Variants in PECAM1 observed in about 807,000 individuals in gnomAD.
The protein encoded by PECAM1 is platelet endothelial cell adhesion molecule.
In PECAM1, 8 loss-of-function variants were observed where a neutral mutation model predicts 13.8. The observed-to-expected ratio is 0.58, with a 90% confidence interval of 0.34 to 1.05. PECAM1 has a LOEUF of 1.05. PECAM1 is among the 50% of genes least tolerant of loss of function. The pLI, the probability that PECAM1 is intolerant of heterozygous loss-of-function variation, is 0.03. For missense variants in PECAM1, 304 were observed against 141.2 expected, an observed-to-expected ratio of 2.15 and a Z score of -5.84; for synonymous variants, 136 against 52.6, an observed-to-expected ratio of 2.58 and a Z score of -6.86.
At chr17:64,336,062 G>A (rs62071614) in intron 14 of PECAM1, among the ~76,000 whole-genome samples, 8,374 of 151,930 alleles carry the variant, frequency 0.055, 263 homozygotes, top group Middle Eastern at 0.088. Context: ...TCTGGAGTTC[G>A]AGATCAGCCT....
intron 2 of PECAM1, among the ~76,000 whole-genome samples, chr17:64,388,324 G>C (rs1462900834): frequency 1.3e-5 from 2 of 152,118 alleles, no homozygotes; most frequent in Non-Finnish European, 2.9e-5. Flanking sequence ...GAGGGCTGGA[G>C]TGGACAAAGG....
rs2143794045 is a variant in PECAM1, at chr17:64,356,138, G to A, written c.1753C>T (p.Pro585Ser). 1 of 475,058 alleles carries A rather than the reference G, an allele frequency of 2.1e-6. No individual in the cohort carries two copies. The highest frequency in any genetic ancestry group is 3.9e-6 in the Non-Finnish European group (1 of 259,144). 29.4% of individuals were successfully genotyped at this position (475,058 alleles called of 1,614,324 possible). A position where few individuals can be genotyped will look rare whatever the true frequency, so the allele number is the denominator to read the frequency against. ...CTGACTGTCAGTATTTTGCTTCTGGGGACACTGGAGGCGTGGTTGGCTCTG... is the reference window on the plus strand; with the variant it reads ...CTGACTGTCAGTATTTTGCTTCTGGAGACACTGGAGGCGTGGTTGGCTCTG... ...FNRANHASSV[P>S]RSKILTVRVI... Residue 585 changes from proline (P) to serine (S), a missense_variant, in exon 8 of 16, where the codon CCC becomes TCC. Physicochemically the swap from Pro to Ser is moderately conservative, Grantham distance 74 (BLOSUM62 -1). Transcript: ENST00000563924.
chr17:64,373,147 A>AT (rs1185925031), intron 4 of PECAM1, among the ~76,000 whole-genome samples: 80,110 of 138,714 alleles, frequency 0.58, 22,684 homozygotes, highest in South Asian at 0.68. Flanking sequence ...AAATAAATAA[A>AT]AAAAAAAGAA....
At chr17:64,346,447 C>T (rs1342797900) in intron 13 of PECAM1, among the ~76,000 whole-genome samples, 1 of 152,162 alleles carries the variant, frequency 6.6e-6, no homozygotes, top group Non-Finnish European at 1.5e-5. Context: ...AGCGATTCTT[C>T]TGCCTCAGCC....
In PECAM1 at chr17:64,362,555, G is replaced by C. The variant is rs937512908; in HGVS notation, c.1216+594C>G. ...TAGTCCCAGCTACTTGGGAGGCTGAGGCAGGAGAATGGCGTGAACCCAGGA... is the reference window on the plus strand; with the variant it reads ...TAGTCCCAGCTACTTGGGAGGCTGACGCAGGAGAATGGCGTGAACCCAGGA... On this transcript the variant is annotated intron_variant, in intron 6 of 15. Transcript: ENST00000563924. Among the ~76,000 whole-genome samples the C allele has an allele frequency of 5.4e-4, 82 of 152,282 alleles. 1 individual carries two copies. The highest frequency in any genetic ancestry group is 3.9e-3 in the Admixed American group (60 of 15,292).
In PECAM1 at chr17:64,360,582, CTGTGTGTGTGTGTG is replaced by C. The variant is rs10589772; in HGVS notation, c.1217-181_1217-168del. 3.0e-3 allele frequency among the ~76,000 whole-genome samples: 420 copies of C among 139,478 alleles called. 1 individual carries two copies. Among genetic ancestry groups the C allele is most frequent in the Non-Finnish European group, 4.7e-3 (303 of 64,412 alleles). 91.5% of individuals were successfully genotyped at this position (139,478 alleles called of 152,430 possible). ...ATAGGACACCTATGAGACTGACAGGCTGTGTGTGTGTGTGTGTGTGTGTGTGTGTGTGTGTGGTG... is the reference window on the plus strand; with the variant it reads ...ATAGGACACCTATGAGACTGACAGGCTGTGTGTGTGTGTGTGTGTGTGGTG... On this transcript the variant is annotated intron_variant, in intron 6 of 15. Transcript: ENST00000563924.
intron 2 of PECAM1, among the ~76,000 whole-genome samples, chr17:64,381,535 T>A (rs1383338185): frequency 8.5e-5 from 13 of 152,206 alleles, no homozygotes; most frequent in African/African-American, 1.4e-4. Context: ...TTTAACAAAG[T>A]TAGGCCTTTG....
At chr17:64,330,706 G>C (rs2035089841) in intron 14 of PECAM1, among the ~76,000 whole-genome samples, 1 of 149,462 alleles carries the variant, frequency 6.7e-6, no homozygotes, top group African/African-American at 2.4e-5. Context: ...GTAGGAAGTA[G>C]CAGATAAAAA....
At position 64,322,378 on chromosome 17, in the gene PECAM1, C is replaced by T. The variant is rs925589514; in HGVS notation, c.*1438G>A. ...TCCAGCCCGGGCAACAAGAGCGAAT[C>T]TCCGTCTCAAAACAACAAAACAAAA... is the stretch of plus-strand genomic sequence containing the variant. On this transcript the variant is annotated 3_prime_UTR_variant, in exon 16 of 16. Transcript: ENST00000563924. 3.1e-6 allele frequency: 3 copies of T among 980,346 alleles called. No individual in the cohort carries two copies. Among genetic ancestry groups the T allele is most frequent in the Non-Finnish European group, 3.6e-6 (3 of 824,838 alleles). The allele number at this position is 980,346 out of a possible 1,614,324, so 60.7% of individuals were successfully genotyped here.
intron 2 of PECAM1, among the ~76,000 whole-genome samples, chr17:64,383,211 C>A (rs2036521806): frequency 6.6e-6 from 1 of 152,132 alleles, no homozygotes. Context: ...TGCCCTAGAC[C>A]AGCAGACAGT....
intron 14 of PECAM1, among the ~76,000 whole-genome samples, chr17:64,331,039 G>C (rs1335560056): frequency 6.6e-6 from 1 of 152,124 alleles, no homozygotes; most frequent in Non-Finnish European, 1.5e-5. Context: ...TGGGAATAAA[G>C]CTATTTCTAG....
intron 12 of PECAM1, among the ~76,000 whole-genome samples, 159 bp downstream of exon 12, chr17:64,350,221 A>T (rs1281548043): frequency 6.6e-6 from 1 of 152,146 alleles, no homozygotes; most frequent in Non-Finnish European, 1.5e-5. Context: ...CTCTGGTGAA[A>T]GCAGCTAGCT....
At chr17:64,325,939 G>T (rs147407941) in intron 15 of PECAM1, among the ~76,000 whole-genome samples, 1 of 152,104 alleles carries the variant, frequency 6.6e-6, no homozygotes, top group African/African-American at 2.4e-5. Context: ...ATTTTATATT[G>T]TATCAATTAT....
intron 6 of PECAM1, among the ~76,000 whole-genome samples, chr17:64,361,210 A>G (rs1408233477): frequency 4.7e-5 from 7 of 147,666 alleles, no homozygotes; most frequent in Non-Finnish European, 8.9e-5. Context: ...CAATGGCGCA[A>G]TCTCAGCTGA....
At position 64,323,468 on chromosome 17, in the gene PECAM1, G is replaced by A. The variant is rs2034856100; in HGVS notation, c.*348C>T. ...AAAATTGGTTTCTGTGTATGAGGGT[G>A]CATGGAAAAGGTCTTTATCTCTGCA... is the stretch of plus-strand genomic sequence containing the variant. On this transcript the variant is annotated 3_prime_UTR_variant, in exon 16 of 16. Transcript: ENST00000563924. 8.1e-7 allele frequency: 1 copy of A among 1,229,502 alleles called. No homozygotes were observed. Among genetic ancestry groups the A allele is most frequent in the Non-Finnish European group, 1.0e-6 (1 of 974,180 alleles). 76.2% of individuals were successfully genotyped at this position (1,229,502 alleles called of 1,614,324 possible).
chr17:64,354,682 C>T (rs1425916332), intron 9 of PECAM1, among the ~76,000 whole-genome samples: 2 of 152,056 alleles, frequency 1.3e-5, no homozygotes, highest in African/African-American at 4.8e-5. Context: ...TTGTGTGTCT[C>T]CAAGACACTT....
chr17:64,365,517 C>G (rs2036083356), intron 5 of PECAM1, among the ~76,000 whole-genome samples: 2 of 151,994 alleles, frequency 1.3e-5, no homozygotes, highest in South Asian at 4.2e-4. Context: ...ATCACCAAGT[C>G]AATCCTAAGC....
chr17:64,375,946 G>C (rs1293504771), intron 3 of PECAM1, among the ~76,000 whole-genome samples: 1 of 151,962 alleles, frequency 6.6e-6, no homozygotes, highest in Non-Finnish European at 1.5e-5. Flanking sequence ...GAGTGGGAGG[G>C]AGCGAGGGAT....
intron 2 of PECAM1, among the ~76,000 whole-genome samples, chr17:64,385,937 CTGCTG>C (rs2036583687): frequency 6.6e-6 from 1 of 152,184 alleles, no homozygotes; most frequent in Non-Finnish European, 1.5e-5. Context: ...GAGGGCTGGC[CTGCTG>C]TGCTGACAAG....
Sources: allele counts gnomAD v4.1 joint callset (sites outside exome capture counted in the v4.1 genomes callset), GRCh38; gene constraint gnomAD v4.1.1; transcripts MANE v1.5; gene names NCBI Gene and HGNC (gene_info 2026-07-23, HGNC 2026-07-21).